Variants in DCDC1 observed in about 807,000 individuals in gnomAD.
The protein encoded by DCDC1 is doublecortin domain-containing protein 1.
A neutral mutation model predicts 178.3 loss-of-function variants in DCDC1; 200 were observed. That is an observed-to-expected ratio of 1.12 (90% CI 1.00 to 1.26). DCDC1 has a LOEUF of 1.26. Among genes scored for constraint, DCDC1 ranks in the 50% most tolerant of loss-of-function variants. DCDC1 has a pLI of 0.00. For missense variants in DCDC1, 1,983 were observed against 1,749.2 expected (o/e 1.13, Z -2.38); for synonymous variants, 690 against 604.8 (o/e 1.14, Z -2.07).
chr11:31,201,310 T>G (rs1055035605), intron 9 of DCDC1, among the ~76,000 whole-genome samples: 3 of 151,780 alleles, frequency 2.0e-5, no homozygotes, highest in African/African-American at 7.2e-5. Flanking sequence ...ACATTATTAT[T>G]AATAAATATG....
At chr11:31,157,176 T>C (rs1034796691) in intron 9 of DCDC1, among the ~76,000 whole-genome samples, 7 of 151,034 alleles carry the variant, frequency 4.6e-5, no homozygotes, top group Non-Finnish European at 1.5e-5. Flanking sequence ...GCCAGGAGTT[T>C]GAGACCAGAC....
intron 11 of DCDC1, among the ~76,000 whole-genome samples, chr11:31,111,931 A>G (rs940071513): frequency 2.0e-5 from 3 of 152,170 alleles, no homozygotes; most frequent in Admixed American, 6.5e-5. Context: ...CTTGGTCAAC[A>G]CCTAATACCT....
intron 37 of DCDC1, among the ~76,000 whole-genome samples, chr11:30,879,759 T>G (rs181342038): frequency 5.8e-4 from 89 of 152,320 alleles, no homozygotes; most frequent in African/African-American, 2.0e-3. Context: ...TTTTTATTGT[T>G]GACAAGCTTG....
intron 20 of DCDC1, among the ~76,000 whole-genome samples, chr11:30,958,098 T>A (rs1031649993): frequency 6.6e-6 from 1 of 152,184 alleles, no homozygotes; most frequent in Non-Finnish European, 1.5e-5. Context: ...GAATACTTGA[T>A]CATCCACTTT....
intron 1 of DCDC1, among the ~76,000 whole-genome samples, chr11:31,353,697 G>T (rs1951186761): frequency 6.6e-6 from 1 of 152,120 alleles, no homozygotes; most frequent in Admixed American, 6.5e-5. Context: ...GAAATTCTTT[G>T]ATTATAATGC....
chr11:31,332,912 C>G (rs916149955), intron 2 of DCDC1, among the ~76,000 whole-genome samples: 2 of 152,148 alleles, frequency 1.3e-5, no homozygotes, highest in African/African-American at 2.4e-5. Context: ...TGGTGCAGAG[C>G]TGAGTTCAAG....
At position 30,980,664 on chromosome 11, in the gene DCDC1, A is replaced by G. The variant is rs76371889; in HGVS notation, c.2592-28096T>C. 3.3e-5 allele frequency among the ~76,000 whole-genome samples: 5 copies of G among 152,248 alleles called. No homozygotes were observed. In the South Asian group the frequency reaches 1.0e-3, roughly 32 times the overall value. ...AAATTTTAAGAGCAGTCTTATTTAA[A>G]TAAATAGGTGGATCAATAAATGAAT... On this transcript the variant is annotated intron_variant, in intron 20 of 38. Transcript: ENST00000684477.
chr11:31,120,574 C>T (rs1010438466), intron 11 of DCDC1, among the ~76,000 whole-genome samples: 1 of 152,136 alleles, frequency 6.6e-6, no homozygotes, highest in African/African-American at 2.4e-5. Context: ...AAGCTGGCTC[C>T]CAAATTTGAC....
At chr11:30,892,673 A>C in intron 36 of DCDC1, 145 bp downstream of exon 36, 1 of 882,136 alleles carries the variant, frequency 1.1e-6, no homozygotes, top group Non-Finnish European at 1.7e-6. Flanking sequence ...TCATGAGATC[A>C]ATCCTATGAG....
intron 26 of DCDC1, 71 bp from the exon 27 acceptor site, chr11:30,915,782 G>C (rs1945788389): frequency 1.3e-6 from 2 of 1,486,346 alleles, no homozygotes; most frequent in Non-Finnish European, 1.8e-6. Flanking sequence ...TGATGTGCTG[G>C]AGATTATAAG....
intron 2 of DCDC1, among the ~76,000 whole-genome samples, chr11:31,330,056 CA>C (rs1173339050): frequency 1.3e-5 from 2 of 152,160 alleles, no homozygotes; most frequent in Non-Finnish European, 2.9e-5. Context: ...TCCTCTCCAG[CA>C]CCTGTTGTTT....
chr11:30,886,014 T>C (rs1433164404), intron 36 of DCDC1, among the ~76,000 whole-genome samples: 2 of 152,000 alleles, frequency 1.3e-5, no homozygotes, highest in South Asian at 2.1e-4. Flanking sequence ...CCGTTGAAAA[T>C]AATGTTTTTT....
intron 9 of DCDC1, among the ~76,000 whole-genome samples, chr11:31,148,224 A>AC (rs1424171692): frequency 6.6e-6 from 1 of 150,844 alleles, no homozygotes; most frequent in African/African-American, 2.4e-5. Flanking sequence ...AAAAAAAAAA[A>AC]AAAAAAAAAA....
intron 9 of DCDC1, among the ~76,000 whole-genome samples, chr11:31,239,385 A>G (rs954805740): frequency 7.2e-5 from 11 of 152,042 alleles, no homozygotes; most frequent in Non-Finnish European, 1.3e-4. Flanking sequence ...ATGGTCTGTT[A>G]AGGGTATGAC....
Position 31,218,823 on chromosome 11 carries a change from T to C in DCDC1, c.1221+22627A>G, listed in dbSNP as rs199863534. On this transcript the variant is annotated intron_variant, in intron 9 of 38. Transcript: ENST00000684477. Reference sequence around the variant, plus strand: ...CCCATTAACTAGTATATTAGTTGTGTACCAAAACTGGAAAAATCCCAATAT... The same window carrying C: ...CCCATTAACTAGTATATTAGTTGTGCACCAAAACTGGAAAAATCCCAATAT... 8.5e-5 allele frequency among the ~76,000 whole-genome samples: 13 copies of C among 152,260 alleles called. No individual in the cohort carries two copies. In the East Asian group the frequency reaches 2.3e-3, roughly 27 times the overall value.
chr11:31,265,686 A>G (rs1381634211), intron 7 of DCDC1, 86 bp from the exon 8 acceptor site: 1 of 461,316 alleles, frequency 2.2e-6, no homozygotes, highest in Admixed American at 4.2e-5. Flanking sequence ...CTACACAGCT[A>G]TTAAAAATTA....
intron 3 of DCDC1, 80 bp downstream of exon 3, chr11:31,328,037 A>C: frequency 7.1e-7 from 1 of 1,412,002 alleles, no homozygotes; most frequent in Admixed American, 2.4e-5. Flanking sequence ...GCCAAGACTG[A>C]TTGAAAATTT....
intron 34 of DCDC1, among the ~76,000 whole-genome samples, chr11:30,897,906 A>G (rs1487855003): frequency 2.6e-5 from 4 of 152,166 alleles, no homozygotes; most frequent in Admixed American, 6.5e-5. Flanking sequence ...GGGATAAACC[A>G]CATTACCCTA....
intron 21 of DCDC1, among the ~76,000 whole-genome samples, chr11:30,948,033 G>A (rs1325463084): frequency 6.6e-6 from 1 of 152,130 alleles, no homozygotes; most frequent in Non-Finnish European, 1.5e-5. Context: ...GAAATAAAGA[G>A]TATTTGAATA....
Sources: gnomAD v4.1 joint callset for allele counts (sites outside exome capture counted in the v4.1 genomes callset) on GRCh38, gnomAD v4.1.1 for gene constraint, MANE v1.5 for transcripts, NCBI Gene and HGNC (gene_info 2026-07-23, HGNC 2026-07-21) for gene names.